Variants in KDR observed in about 807,000 individuals in gnomAD.
KDR encodes vascular endothelial growth factor receptor 2.
Under a neutral mutation model 160.9 loss-of-function variants are expected in KDR, and 43 were observed. The observed-to-expected ratio is 0.27, with a 90% CI of 0.21 to 0.34. KDR has a LOEUF of 0.34. Among genes scored for constraint, KDR ranks in the 10% least tolerant of loss-of-function variants. The pLI is 1.00. For missense variants in KDR, 1,469 were observed against 1,666.4 expected (o/e 0.88, Z 2.06); for synonymous variants, 617 against 600.1 (o/e 1.03, Z -0.41).
intron 9 of KDR, 92 bp downstream of exon 9, chr4:55,110,311 C>T (rs1178798986): frequency 2.3e-6 from 3 of 1,309,382 alleles, no homozygotes; most frequent in South Asian, 2.4e-5. Context: ...ATGAGTGAAG[C>T]AGCAGGAGGC....
intron 28 of KDR, 56 bp downstream of exon 28, chr4:55,082,480 G>T (rs1214968816): frequency 7.8e-7 from 1 of 1,289,870 alleles, no homozygotes; most frequent in Non-Finnish European, 1.1e-6. Flanking sequence ...TATTTATCTA[G>T]CTAGTGTTTC....
chr4:55,093,975 G>A (rs35399838), intron 21 of KDR, among the ~76,000 whole-genome samples: 30,465 of 151,886 alleles, frequency 0.2, 3,685 homozygotes, highest in East Asian at 0.46. Flanking sequence ...TGAGGCAGGC[G>A]GATCACCTGA....
intron 28 of KDR, 31 bp from the exon 29 acceptor site, chr4:55,082,072 A>C (rs1164182419): frequency 7.1e-7 from 1 of 1,401,514 alleles, no homozygotes; most frequent in Non-Finnish European, 1.0e-6. Flanking sequence ...TGGCACAGTT[A>C]ATTGAGCATA....
intron 14 of KDR, 88 bp downstream of exon 14, chr4:55,102,274 T>C: frequency 6.7e-7 from 1 of 1,486,670 alleles, no homozygotes; most frequent in Non-Finnish European, 9.4e-7. Flanking sequence ...GCTTTTTTTC[T>C]ACATTACATC....
chr4:55,098,471 C>T (rs1720218502), intron 16 of KDR, among the ~76,000 whole-genome samples, 199 bp from the exon 17 acceptor site: 1 of 152,112 alleles, frequency 6.6e-6, no homozygotes, highest in African/African-American at 2.4e-5. Context: ...GGTTTTAAAG[C>T]TTAATTACAC....
intron 1 of KDR, among the ~76,000 whole-genome samples, chr4:55,121,641 A>C (rs1720879494): frequency 6.6e-6 from 1 of 152,218 alleles, no homozygotes; most frequent in South Asian, 2.1e-4. Flanking sequence ...ACGTACCCTG[A>C]AGGGAGTGAG....
intron 4 of KDR, 67 bp from the exon 5 acceptor site, chr4:55,115,109 C>A (rs1023943520): frequency 1.5e-6 from 2 of 1,374,546 alleles, no homozygotes; most frequent in East Asian, 2.4e-5. Context: ...GTACAATGAT[C>A]ACTGAAGAAT....
At chr4:55,096,400 GGGTC>G in intron 18 of KDR, 58 bp from the exon 19 acceptor site, 1 of 1,275,010 alleles carries the variant, frequency 7.8e-7, no homozygotes, top group South Asian at 1.2e-5. Context: ...TCAATAATTG[GGGTC>G]CCTCCCTCCC....
At position 55,081,155 on chromosome 4, in the gene KDR, A is replaced by G. The variant is rs369602912; in HGVS notation, c.3848+801T>C. On this transcript the variant is annotated intron_variant, in intron 29 of 29. Coordinates refer to ENST00000263923, the MANE Select transcript of KDR (RefSeq NM_002253.4). ...CTTGGGCCTTAAAGAAAACAATAAA[A>G]TAGCACAATGGCACCTTTTAATATG... Among the ~76,000 whole-genome samples the G allele has an allele frequency of 2.6e-3, 389 of 152,314 alleles. 1 individual carries two copies. Among genetic ancestry groups the G allele is most frequent in the African/African-American group, 8.7e-3 (361 of 41,570 alleles).
chr4:55,085,281 C>G (rs369162867), intron 27 of KDR, among the ~76,000 whole-genome samples: 5 of 152,306 alleles, frequency 3.3e-5, no homozygotes, highest in South Asian at 2.1e-4. Context: ...GTCCCTCCCC[C>G]ACACACTTCT....
rs1434599791 is a variant in KDR, at chr4:55,090,182, C to G, written c.3070-104G>C. On this transcript the variant is annotated intron_variant, in intron 22 of 29. Transcript: ENST00000263923. ...AAAAAATCCCACATCAGAAAGCCAA[C>G]TGATTAACAAGGACTGGGTTAGTAT... 30 of 1,335,050 alleles carry G rather than the reference C, an allele frequency of 2.2e-5. No homozygotes were observed. In the South Asian group the frequency reaches 3.4e-4, roughly 15 times the overall value. The allele number at this position is 1,335,050 out of a possible 1,614,324, so 82.7% of individuals were successfully genotyped here.
rs775328561 is a variant in KDR, at chr4:55,123,484, C to T, written c.67+1743G>A. On this transcript the variant is annotated intron_variant, in intron 1 of 29. Transcript: ENST00000263923. ...ATATTTTAAAAAAGAAAAGGTATGT[C>T]CTTCATTCATAGGAAGCTGAGACTA... Among the ~76,000 whole-genome samples the T allele has an allele frequency of 1.2e-4, 18 of 152,300 alleles. 1 individual carries two copies. Among genetic ancestry groups the T allele is most frequent in the Non-Finnish European group, 1.9e-4 (13 of 68,028 alleles).
intron 23 of KDR, 62 bp downstream of exon 23, chr4:55,089,894 T>C: frequency 6.2e-7 from 1 of 1,608,534 alleles, no homozygotes; most frequent in Admixed American, 1.7e-5. Flanking sequence ...GTCCTGAAGC[T>C]CTCTACGAGG....
chr4:55,114,866 C>A lies in KDR; in HGVS notation c.658+8G>T, dbSNP rs776899281. ...TATTAATGATATGGAAAGGAAATGT[C>A]CTCTTACCTACAACGACAACTATGT... On this transcript the variant is annotated splice_region_variant and intron_variant, in intron 5 of 29. Transcript: ENST00000263923. 1 of 1,607,688 alleles carries A rather than the reference C, an allele frequency of 6.2e-7. No homozygotes were observed. Among genetic ancestry groups the A allele is most frequent in the East Asian group, 2.2e-5 (1 of 44,806 alleles).
intron 7 of KDR, among the ~76,000 whole-genome samples, chr4:55,112,592 G>A (rs774362049): frequency 6.2e-5 from 9 of 144,872 alleles, no homozygotes; most frequent in East Asian, 4.1e-4. Flanking sequence ...ACAATGGCAC[G>A]ATCTTGGCTC....
At chr4:55,093,822 G>A (rs1339295833) in intron 21 of KDR, among the ~76,000 whole-genome samples, 1 of 152,166 alleles carries the variant, frequency 6.6e-6, no homozygotes, top group Non-Finnish European at 1.5e-5. Context: ...CCTTCTGAAG[G>A]AGGCAGAAAT....
intron 21 of KDR, 101 bp downstream of exon 21, chr4:55,094,701 A>C: frequency 9.6e-7 from 1 of 1,038,408 alleles, no homozygotes; most frequent in Non-Finnish European, 1.5e-6. Context: ...ATTATGAGGT[A>C]GTATTGGACT....
At position 55,081,894 on chromosome 4, in the gene KDR, G is replaced by A. The variant is rs1232481275; in HGVS notation, c.3848+62C>T. 11 of 1,153,284 alleles carry A rather than the reference G, an allele frequency of 9.5e-6. No individual in the cohort carries two copies. The East Asian group carries it at 2.3e-4, about 24-fold the overall frequency. The allele number at this position is 1,153,284 out of a possible 1,614,324, so 71.4% of individuals were successfully genotyped here. Reference sequence around the variant, plus strand: ...GGAAAATTCTGCACTTACACTGAAAGTCCTAAGTTCCTTCCAAAAATTCCT... The same window carrying A: ...GGAAAATTCTGCACTTACACTGAAAATCCTAAGTTCCTTCCAAAAATTCCT... On this transcript the variant is annotated intron_variant, in intron 29 of 29. Transcript: ENST00000263923.
chr4:55,081,926 A>T (rs2110005045), intron 29 of KDR, 30 bp downstream of exon 29: 1 of 1,492,920 alleles, frequency 6.7e-7, no homozygotes, highest in Non-Finnish European at 9.3e-7. Context: ...TCCTATTGAA[A>T]TTTGTCTTTT....
Sources: allele counts gnomAD v4.1 joint callset (sites outside exome capture counted in the v4.1 genomes callset), GRCh38; gene constraint gnomAD v4.1.1; transcripts MANE v1.5; gene names NCBI Gene and HGNC (gene_info 2026-07-23, HGNC 2026-07-21).